Variants in SUPT3H observed in about 807,000 individuals in gnomAD.
SUPT3H encodes transcription initiation protein SPT3 homolog.
In SUPT3H, 44 loss-of-function variants were observed where a neutral mutation model predicts 44.3. The ratio of observed to expected loss-of-function variants is 0.99; its 90% CI spans 0.78 to 1.28. SUPT3H has a LOEUF of 1.28. Among genes scored for constraint, SUPT3H ranks in the 50% most tolerant of loss-of-function variants. The pLI, the probability that SUPT3H is intolerant of heterozygous loss-of-function variation, is 0.00. For missense variants in SUPT3H, 380 were observed against 387.1 expected (o/e 0.98, Z 0.15); for synonymous variants, 124 against 125.6 (o/e 0.99, Z 0.09).
At chr6:44,823,809 A>C (rs867532729), downstream of SUPT3H, among the ~76,000 whole-genome samples, 2 of 152,144 alleles carry the variant, frequency 1.3e-5, no homozygotes, top group Non-Finnish European at 1.5e-5. Flanking sequence ...TAAAAATACA[A>C]AAAATTAGCT....
chr6:45,267,955 C>G (rs564252291), intron 2 of SUPT3H, among the ~76,000 whole-genome samples: 163 of 152,260 alleles, frequency 1.1e-3, no homozygotes, highest in African/African-American at 3.8e-3. Flanking sequence ...ACTGAGCTAC[C>G]CATTATTTGC....
chr6:44,988,522 A>AG (rs1274289565), intron 6 of SUPT3H, among the ~76,000 whole-genome samples: 1 of 61,376 alleles, frequency 1.6e-5, no homozygotes, highest in Non-Finnish European at 4.4e-5. Context: ...GCTTAAATAA[A>AG]AAAAAAAAAA....
In SUPT3H at chr6:44,881,276, C is replaced by T. The variant is rs183133040; in HGVS notation, c.912+51377G>A. 3.9e-3 allele frequency among the ~76,000 whole-genome samples: 599 copies of T among 152,156 alleles called. 7 individuals carry two copies. The highest frequency in any genetic ancestry group is 0.014 in the African/African-American group (569 of 41,490). On this transcript the variant is annotated intron_variant, in intron 10 of 10. Transcript: ENST00000371459. ...AAAACAGACTTTAACTAACAAAGAT[C>T]AAAAGAGACAAAGAAGGCCATTACA...
chr6:44,889,296 C>A (rs1762870874), intron 10 of SUPT3H, among the ~76,000 whole-genome samples: 3 of 152,024 alleles, frequency 2.0e-5, no homozygotes, highest in Non-Finnish European at 4.4e-5. Context: ...CAAAACAGAG[C>A]CCGCATCACC....
At chr6:45,166,501 C>T (rs1268421721) in intron 2 of SUPT3H, among the ~76,000 whole-genome samples, 1 of 146,656 alleles carries the variant, frequency 6.8e-6, no homozygotes, top group South Asian at 2.2e-4. Flanking sequence ...AGGAGAATGG[C>T]GTGAACCCAG....
At chr6:45,158,736 T>C (rs1808432083) in intron 2 of SUPT3H, 1 of 152,120 alleles carries the variant, frequency 6.6e-6, no homozygotes, top group South Asian at 2.1e-4. Context: ...ACCTATTTTA[T>C]ACTATGATGG....
chr6:44,945,982 G>A (rs1377250447), intron 9 of SUPT3H, among the ~76,000 whole-genome samples: 2 of 152,086 alleles, frequency 1.3e-5, no homozygotes, highest in Admixed American at 1.3e-4. Context: ...TCATGCAGCT[G>A]GTGATTTTAA....
intron 10 of SUPT3H, among the ~76,000 whole-genome samples, chr6:44,889,069 G>A (rs1194306479): frequency 6.6e-6 from 1 of 151,160 alleles, no homozygotes; most frequent in African/African-American, 2.4e-5. Context: ...GGGATGTGAA[G>A]GACCTCTTCA....
chr6:44,839,868 C>A (rs929961719), intron 10 of SUPT3H, among the ~76,000 whole-genome samples: 7 of 151,774 alleles, frequency 4.6e-5, no homozygotes, highest in East Asian at 1.9e-4. Flanking sequence ...CGCCCGGCTA[C>A]TTTTTGTATT....
At chr6:45,316,673 C>A (rs1784749980) in intron 2 of SUPT3H, among the ~76,000 whole-genome samples, 1 of 151,840 alleles carries the variant, frequency 6.6e-6, no homozygotes, top group Admixed American at 6.6e-5. Flanking sequence ...ACAATAGCTA[C>A]CAAAAAAAGG....
At chr6:45,234,530 C>CAAAAAAAAAAAAA (rs10713328) in intron 2 of SUPT3H, among the ~76,000 whole-genome samples, 4 of 126,958 alleles carry the variant, frequency 3.2e-5, no homozygotes, top group East Asian at 2.1e-4. Flanking sequence ...GACGCTGTCA[C>CAAAAAAAAAAAAA]AAAAAAAAAA....
intron 2 of SUPT3H, among the ~76,000 whole-genome samples, chr6:45,339,138 T>C (rs1344450324): frequency 6.6e-6 from 1 of 152,132 alleles, no homozygotes; most frequent in Non-Finnish European, 1.5e-5. Flanking sequence ...GGCTAAGTAA[T>C]CTTATTACTT....
At chr6:45,287,445 A>AAC (rs1240046234) in intron 2 of SUPT3H, among the ~76,000 whole-genome samples, 1 of 152,158 alleles carries the variant, frequency 6.6e-6, no homozygotes, top group Non-Finnish European at 1.5e-5. Flanking sequence ...GAAATTCTGT[A>AAC]ACACACTACA....
rs1339804693 is a variant in SUPT3H, at chr6:44,810,331, G to T, written c.*53-830C>A. On this transcript the variant is annotated intron_variant and NMD_transcript_variant, in intron 11 of 11. Coordinates refer to the SUPT3H transcript ENST00000475057. The stretch of plus-strand genomic sequence containing the variant: ...GACGGAAGTTATAAATACTAGCAAG[G>T]ACCATTGGACCAGTTACAGAAATGA... Among the ~76,000 whole-genome samples, 4 of 152,130 alleles carry T rather than the reference G, an allele frequency of 2.6e-5. No individual in the cohort carries two copies. In the South Asian group the frequency reaches 6.2e-4, roughly 24 times the overall value.
chr6:44,967,678 C>CT (rs1776961883), intron 6 of SUPT3H, among the ~76,000 whole-genome samples: 1 of 152,210 alleles, frequency 6.6e-6, no homozygotes. Flanking sequence ...TGGCATATCT[C>CT]TTGGCAGCTT....
intron 2 of SUPT3H, among the ~76,000 whole-genome samples, chr6:45,293,269 A>T (rs1321469346): frequency 1.3e-5 from 2 of 152,196 alleles, no homozygotes; most frequent in African/African-American, 4.8e-5. Flanking sequence ...AATGGAATTT[A>T]AAAAATTCTT....
At chr6:44,976,547 G>C (rs1418186847) in intron 6 of SUPT3H, among the ~76,000 whole-genome samples, 2 of 152,018 alleles carry the variant, frequency 1.3e-5, no homozygotes. Context: ...ATTTTTAGTA[G>C]AGACGGGGTT....
chr6:45,326,477 A>T (rs1322468110), intron 2 of SUPT3H, among the ~76,000 whole-genome samples: 1 of 151,968 alleles, frequency 6.6e-6, no homozygotes, highest in African/African-American at 2.4e-5. Flanking sequence ...GAATAACTGC[A>T]TGTTAAATGA....
intron 10 of SUPT3H, among the ~76,000 whole-genome samples, chr6:44,860,812 A>G (rs1298213074): frequency 6.6e-6 from 1 of 152,248 alleles, no homozygotes; most frequent in African/African-American, 2.4e-5. Flanking sequence ...CTTTTTAAAA[A>G]AAGTCTGCAT....
Sources: allele counts gnomAD v4.1 joint callset (sites outside exome capture counted in the v4.1 genomes callset), GRCh38; gene constraint gnomAD v4.1.1; transcripts MANE v1.5; gene names NCBI Gene and HGNC (gene_info 2026-07-23, HGNC 2026-07-21).